Variants in CAPN8 observed in about 807,000 individuals in gnomAD.
CAPN8 encodes the protein calpain 8.
CAPN8 carries 87 observed loss-of-function variants against 80.9 expected under a neutral mutation model. The ratio of observed to expected loss-of-function variants is 1.07; its 90% confidence interval spans 0.90 to 1.28. CAPN8 has a LOEUF of 1.28. Among genes scored for constraint, CAPN8 ranks in the 50% most tolerant of loss-of-function variants. The probability of loss-of-function intolerance (pLI) is 0.00; values close to 1 mark genes in which losing one functional copy is unlikely to be tolerated. For synonymous variants in CAPN8, 299 were observed against 273.8 expected (o/e 1.09, Z -0.91); for missense variants, 757 against 702.0 (o/e 1.08, Z -0.89).
intron 2 of CAPN8, among the ~76,000 whole-genome samples, chr1:223,648,881 A>T (rs992054008): frequency 6.6e-6 from 1 of 152,214 alleles, no homozygotes; most frequent in East Asian, 1.9e-4. Context: ...TGAAAAATAG[A>T]TGGGGAAGGC....
intron 2 of CAPN8, among the ~76,000 whole-genome samples, chr1:223,633,523 G>A (rs1366387912): frequency 7.2e-5 from 11 of 152,104 alleles, no homozygotes; most frequent in Non-Finnish European, 1.5e-4. Flanking sequence ...TTAGCCAGGC[G>A]TGGTGGCAGG....
chr1:223,618,408 C>G (rs1043130138), intron 9 of CAPN8: 3 of 1,286,770 alleles, frequency 2.3e-6, no homozygotes, highest in Non-Finnish European at 3.3e-6. Flanking sequence ...GGTCTGAGTC[C>G]CCATGACACG....
intron 2 of CAPN8, among the ~76,000 whole-genome samples, chr1:223,643,525 A>G (rs1371007265): frequency 6.6e-6 from 1 of 152,232 alleles, no homozygotes; most frequent in Non-Finnish European, 1.5e-5. Flanking sequence ...AAATATCCTG[A>G]GTACAATGCC....
In CAPN8 at chr1:223,541,673, T is replaced by G; in HGVS notation, c.*163A>C. On this transcript the variant is annotated 3_prime_UTR_variant, in exon 21 of 21. Transcript: ENST00000366872. Reference sequence around the variant, plus strand: ...CTCCACTGGGCCCACCGGGTCGGCTTACATAGCTCATAGCTCAGTGCTGCT... The same window carrying G: ...CTCCACTGGGCCCACCGGGTCGGCTGACATAGCTCATAGCTCAGTGCTGCT... 8.8e-7 allele frequency: 1 copy of G among 1,141,274 alleles called. No homozygotes were observed. Among genetic ancestry groups the G allele is most frequent in the African/African-American group, 1.5e-5 (1 of 65,360 alleles). 70.7% of individuals were successfully genotyped at this position (1,141,274 alleles called of 1,614,324 possible).
chr1:223,619,265 G>A, intron 9 of CAPN8, 28 bp downstream of exon 9: 4 of 1,550,548 alleles, frequency 2.6e-6, no homozygotes, highest in Non-Finnish European at 2.6e-6. Flanking sequence ...GCTGGAGGAG[G>A]TTGGGCCAAG....
At chr1:223,615,715 G>A (rs770142975) in intron 10 of CAPN8, 29 of 600,030 alleles carry the variant, frequency 4.8e-5, no homozygotes, top group Non-Finnish European at 8.4e-5. Context: ...TGTACACTGA[G>A]CCCTCAATGA....
Position 223,544,122 on chromosome 1 carries a change from A to G in CAPN8, c.1974T>C (p.Leu658=), listed in dbSNP as rs34158997. 0.26 allele frequency: 186,309 copies of G among 718,096 alleles called. 25,563 individuals are homozygous for G. Among genetic ancestry groups the G allele is most frequent in the African/African-American group, 0.43 (24,577 of 57,294 alleles). 44.5% of individuals were successfully genotyped at this position (718,096 alleles called of 1,614,324 possible). ...TIALRYACSK[L]GINFDSFVAC... ...CCACGAAGCTGTCAAAGTTGATGCC[A>G]AGCTTGCTGCACGCATACCGCAGGG... The change falls in exon 19 of 21, where the codon CTT becomes CTC. Residue 658 remains leucine, a synonymous_variant. Coordinates refer to ENST00000366872, the MANE Select transcript of CAPN8 (RefSeq NM_001143962.2).
Position 223,665,585 on chromosome 1 carries a change from T to G in CAPN8, c.62A>C (p.Asn21Thr), listed in dbSNP as rs892283893. The part of the protein sequence containing the change: ...QRAATQGLGS[N>T]QNALKYLGQD... The stretch of plus-strand genomic sequence containing the variant: ...GCCCAAGTACTTCAAAGCGTTTTGG[T>G]TGGAGCCAAGACCTTGAGTGGCTGC... The change falls in exon 1 of 21, where the codon AAC (asparagine) becomes ACC (threonine). Residue 21 changes from asparagine to threonine, a missense_variant. Physicochemically the swap from Asn to Thr is moderately conservative, Grantham distance 65. Coordinates refer to ENST00000366872, the MANE Select transcript of CAPN8 (RefSeq NM_001143962.2). 2 of 1,551,624 alleles carry G rather than the reference T, an allele frequency of 1.3e-6. No homozygotes were observed. The highest frequency in any genetic ancestry group is 2.4e-5 in the South Asian group (2 of 84,038).
chr1:223,614,750 CA>C (rs1400628163), intron 10 of CAPN8, among the ~76,000 whole-genome samples: 1 of 152,186 alleles, frequency 6.6e-6, no homozygotes, highest in Non-Finnish European at 1.5e-5. Context: ...CAGCTTTCAG[CA>C]CAGCACCCGG....
Position 223,645,808 on chromosome 1 carries a change from A to C in CAPN8, c.307+8522T>G, listed in dbSNP as rs115916106. 9.6e-3 allele frequency among the ~76,000 whole-genome samples: 1,467 copies of C among 152,246 alleles called. 26 individuals carry two copies. Among genetic ancestry groups the C allele is most frequent in the African/African-American group, 0.033 (1,383 of 41,556 alleles). ...GAACACATCCCAGGGCTGCTTAGCT[A>C]CCCTATGGGACCCCTGAGGGAGGCA... On this transcript the variant is annotated intron_variant, in intron 2 of 20. Coordinates refer to ENST00000366872, the MANE Select transcript of CAPN8 (RefSeq NM_001143962.2).
At chr1:223,558,485 T>A (rs913100211) in intron 12 of CAPN8, among the ~76,000 whole-genome samples, 1 of 152,184 alleles carries the variant, frequency 6.6e-6, no homozygotes, top group Admixed American at 6.5e-5. Flanking sequence ...AGGGAGAGAA[T>A]TCCCCAGAAG....
chr1:223,637,637 C>A (rs1571724752), intron 2 of CAPN8, among the ~76,000 whole-genome samples: 3 of 152,278 alleles, frequency 2.0e-5, no homozygotes, highest in Admixed American at 1.3e-4. Flanking sequence ...AGTTCCTCTC[C>A]CTTCCGGCTT....
At chr1:223,545,054 G>A in intron 17 of CAPN8, 177 bp downstream of exon 17, 2 of 1,389,892 alleles carry the variant, frequency 1.4e-6, no homozygotes, top group South Asian at 1.5e-5. Context: ...AGGGCTTTCA[G>A]GGCAGTGGTT....
chr1:223,623,876 T>A (rs545349757), intron 6 of CAPN8, among the ~76,000 whole-genome samples: 1 of 151,850 alleles, frequency 6.6e-6, no homozygotes, highest in South Asian at 2.1e-4. Context: ...GGCGCGTGCC[T>A]GTAATCCCAG....
intron 6 of CAPN8, among the ~76,000 whole-genome samples, chr1:223,623,320 A>T (rs1657460334): frequency 6.6e-6 from 1 of 152,212 alleles, no homozygotes; most frequent in Admixed American, 6.5e-5. Flanking sequence ...TAGGTGCTTT[A>T]TTGCCTCATT....
rs1331913444 is a variant in CAPN8, at chr1:223,656,668, G to GTTTTTTTTTTTTTTTTT, written c.238-2270_238-2269insAAAAAAAAAAAAAAAAA. On this transcript the variant is annotated intron_variant, in intron 1 of 20. Coordinates refer to ENST00000366872, the MANE Select transcript of CAPN8 (RefSeq NM_001143962.2). The stretch of plus-strand genomic sequence containing the variant: ...ATTTATGTACATACACACGTTTTGG[G>GTTTTTTTTTTTTTTTTT]TTTTTTTGTTTTGTTTTTTTTTTTT... Among the ~76,000 whole-genome samples the GTTTTTTTTTTTTTTTTT allele has an allele frequency of 2.1e-5, 2 of 94,798 alleles. 1 individual carries two copies. The highest frequency in any genetic ancestry group is 4.2e-5 in the Non-Finnish European group (2 of 48,118). The allele number at this position is 94,798 out of a possible 152,430, so 62.2% of individuals were successfully genotyped here.
At chr1:223,635,571 G>A (rs1450968558) in intron 2 of CAPN8, among the ~76,000 whole-genome samples, 3 of 152,062 alleles carry the variant, frequency 2.0e-5, no homozygotes, top group African/African-American at 7.3e-5. Context: ...ATTCACCTCA[G>A]TGTAATTGTA....
intron 6 of CAPN8, among the ~76,000 whole-genome samples, chr1:223,624,670 T>C (rs1657510049): frequency 6.6e-6 from 1 of 151,764 alleles, no homozygotes; most frequent in African/African-American, 2.4e-5. Flanking sequence ...GCCAAGATCA[T>C]GCAACTGCAG....
At chr1:223,547,423 G>A (rs912393818) in intron 16 of CAPN8, among the ~76,000 whole-genome samples, 1 of 152,202 alleles carries the variant, frequency 6.6e-6, no homozygotes, top group Non-Finnish European at 1.5e-5. Flanking sequence ...TGTAGAGACA[G>A]AAAGTAAATT....
Sources: allele counts gnomAD v4.1 joint callset (sites outside exome capture counted in the v4.1 genomes callset), GRCh38; gene constraint gnomAD v4.1.1; transcripts MANE v1.5; gene names NCBI Gene and HGNC (gene_info 2026-07-23, HGNC 2026-07-21).